MGAT4C: variants seen among roughly 807,000 people sequenced by gnomAD.
MGAT4C encodes MGAT4 family member C.
In MGAT4C, 19 loss-of-function variants were observed where a neutral mutation model predicts 40.1. The ratio of observed to expected loss-of-function variants is 0.47; its 90% confidence interval spans 0.33 to 0.70. MGAT4C has a LOEUF of 0.70. Among genes scored for constraint, MGAT4C ranks in the 30% least tolerant of loss-of-function variants. The pLI is 0.02. For missense variants in MGAT4C, 491 were observed against 563.2 expected (o/e 0.87, Z 1.30); for synonymous variants, 181 against 187.1 (o/e 0.97, Z 0.27).
intron 2 of MGAT4C, among the ~76,000 whole-genome samples, chr12:86,530,282 T>A (rs1034480818): frequency 3.3e-5 from 5 of 151,938 alleles, no homozygotes; most frequent in African/African-American, 1.2e-4. Context: ...TTCTCCAGAC[T>A]TCTATATATT....
intron 1 of MGAT4C, among the ~76,000 whole-genome samples, chr12:86,768,626 G>A (rs1193868069): frequency 6.6e-6 from 1 of 151,586 alleles, no homozygotes; most frequent in Non-Finnish European, 1.5e-5. Context: ...TATACTACAA[G>A]GCTACAGTAA....
chr12:86,250,943 C>A (rs914509703), intron 1 of MGAT4C, among the ~76,000 whole-genome samples: 1 of 151,844 alleles, frequency 6.6e-6, no homozygotes, highest in African/African-American at 2.4e-5. Context: ...TAATGAAACT[C>A]CTGAATGAAT....
intron 2 of MGAT4C, among the ~76,000 whole-genome samples, chr12:86,472,500 C>T (rs1412071573): frequency 1.3e-5 from 2 of 151,986 alleles, no homozygotes; most frequent in Admixed American, 6.6e-5. Context: ...AGTCTATATT[C>T]ATTAAAGAAG....
In MGAT4C at chr12:86,618,308, G is replaced by A. The variant is rs537261183; in HGVS notation, c.-229+108901C>T. Among the ~76,000 whole-genome samples the A allele has an allele frequency of 7.2e-5, 11 of 152,212 alleles. 2 individuals carry two copies. The South Asian group carries it at 2.1e-3, about 29-fold the overall frequency. On this transcript the variant is annotated intron_variant, in intron 2 of 7. Coordinates refer to the MGAT4C transcript ENST00000548651. ...TAAAAATTAAAACTAGCACAAGATA[G>A]AACAATCTCACTACTGGGTATTTTA... is the stretch of plus-strand genomic sequence containing the variant.
intron 1 of MGAT4C, among the ~76,000 whole-genome samples, chr12:86,152,615 C>T (rs954577600): frequency 6.6e-6 from 1 of 152,190 alleles, no homozygotes; most frequent in African/African-American, 2.4e-5. Context: ...TTTCTCTTTT[C>T]CCATCGTATA....
At chr12:86,676,552 G>T (rs1964404901) in intron 2 of MGAT4C, among the ~76,000 whole-genome samples, 1 of 152,114 alleles carries the variant, frequency 6.6e-6, no homozygotes, top group Non-Finnish European at 1.5e-5. Flanking sequence ...AAATACTGAT[G>T]CTATATCTTG....
chr12:86,035,365 G>A (rs909215520), intron 2 of MGAT4C, among the ~76,000 whole-genome samples: 3 of 150,066 alleles, frequency 2.0e-5, no homozygotes, highest in Non-Finnish European at 4.5e-5. Flanking sequence ...TTTGTTGGCT[G>A]CATAAATGTC....
chr12:86,225,298 TA>T (rs1432414654), intron 1 of MGAT4C, among the ~76,000 whole-genome samples: 6 of 151,942 alleles, frequency 3.9e-5, no homozygotes, highest in African/African-American at 1.4e-4. Flanking sequence ...TAATCAGTAA[TA>T]AAAAAGTCTC....
intron 3 of MGAT4C, among the ~76,000 whole-genome samples, chr12:86,339,709 T>C (rs143046792): frequency 6.6e-6 from 1 of 152,190 alleles, no homozygotes; most frequent in African/African-American, 2.4e-5. Flanking sequence ...ATATTCTATC[T>C]TATAGTATAT....
intron 2 of MGAT4C, among the ~76,000 whole-genome samples, chr12:86,522,747 T>G (rs1477082814): frequency 6.6e-6 from 1 of 152,122 alleles, no homozygotes; most frequent in Non-Finnish European, 1.5e-5. Context: ...TTGGTTGGTA[T>G]GCTATTTTTT....
At chr12:86,093,259 C>G (rs1370782971) in intron 1 of MGAT4C, among the ~76,000 whole-genome samples, 1 of 152,172 alleles carries the variant, frequency 6.6e-6, no homozygotes, top group Admixed American at 6.5e-5. Context: ...TTTCTACTGA[C>G]TCTTTCCACT....
At chr12:86,160,430 T>C (rs1334138580) in intron 1 of MGAT4C, among the ~76,000 whole-genome samples, 3 of 152,056 alleles carry the variant, frequency 2.0e-5, no homozygotes, top group Non-Finnish European at 2.9e-5. Flanking sequence ...CACCGTGGTC[T>C]AAGAGTGTAC....
intron 1 of MGAT4C, among the ~76,000 whole-genome samples, chr12:86,117,266 G>C (rs1878588132): frequency 6.6e-6 from 1 of 152,100 alleles, no homozygotes; most frequent in Admixed American, 6.6e-5. Flanking sequence ...AAAATTGCAT[G>C]ACCTTGCTAA....
Position 85,968,392 on chromosome 12 carries a change from T to G in MGAT4C, c.*10897A>C, listed in dbSNP as rs1385242954. ...ATTAATAAGGTGCATATGTCAAGACTCAGGAAAACAGATCACTTACGTAGT... is the reference window on the plus strand; with the variant it reads ...ATTAATAAGGTGCATATGTCAAGACGCAGGAAAACAGATCACTTACGTAGT... On this transcript the variant is annotated 3_prime_UTR_variant, in exon 5 of 5. Coordinates refer to ENST00000611864, the MANE Select transcript of MGAT4C (RefSeq NM_001351288.2). 1 of 151,940 alleles carries G rather than the reference T, an allele frequency of 6.6e-6. No homozygotes were observed. The highest frequency in any genetic ancestry group is 1.5e-5 in the Non-Finnish European group (1 of 67,914). 9.4% of individuals were successfully genotyped at this position (151,940 alleles called of 1,614,324 possible).
chr12:86,694,156 C>T (rs1486402529), intron 2 of MGAT4C, among the ~76,000 whole-genome samples: 2 of 152,210 alleles, frequency 1.3e-5, no homozygotes, highest in South Asian at 2.1e-4. Flanking sequence ...GTCTTTCCAG[C>T]TCTTTCTTAG....
At chr12:86,505,810 A>G (rs1958462402) in intron 2 of MGAT4C, among the ~76,000 whole-genome samples, 1 of 152,186 alleles carries the variant, frequency 6.6e-6, no homozygotes, top group African/African-American at 2.4e-5. Context: ...TCCTGGTCAG[A>G]TATCTCCAAC....
intron 1 of MGAT4C, among the ~76,000 whole-genome samples, chr12:86,143,598 T>G (rs1022153599): frequency 2.0e-5 from 3 of 152,152 alleles, no homozygotes; most frequent in Non-Finnish European, 4.4e-5. Flanking sequence ...AAACAAGACT[T>G]CAGGTACTTA....
At chr12:86,194,462 T>TG (rs1202557154) in intron 1 of MGAT4C, among the ~76,000 whole-genome samples, 1 of 151,842 alleles carries the variant, frequency 6.6e-6, no homozygotes, top group Non-Finnish European at 1.5e-5. Flanking sequence ...ATCAATTTTT[T>TG]TTTTTTTTTG....
At chr12:86,568,541 C>T (rs1014628147) in intron 2 of MGAT4C, among the ~76,000 whole-genome samples, 1 of 66,368 alleles carries the variant, frequency 1.5e-5, no homozygotes, top group African/African-American at 3.9e-5. Context: ...CTTAAACTCC[C>T]CTTCATATAT....
Sources: allele counts gnomAD v4.1 joint callset (sites outside exome capture counted in the v4.1 genomes callset), GRCh38; gene constraint gnomAD v4.1.1; transcripts MANE v1.5; gene names NCBI Gene and HGNC (gene_info 2026-07-23, HGNC 2026-07-21).